Variants in WDR62 observed in about 807,000 individuals in gnomAD.
The protein encoded by WDR62 is WD repeat domain 62.
A neutral mutation model predicts 160.6 loss-of-function variants in WDR62; 112 were observed. The ratio of observed to expected loss-of-function variants is 0.70; its 90% CI spans 0.60 to 0.82. WDR62 has a LOEUF of 0.82. Ranked by LOEUF, WDR62 falls within the 40% of genes least tolerant of loss-of-function variation. The pLI is 0.00. For missense variants in WDR62, 1,819 were observed against 1,983.8 expected, an observed-to-expected ratio of 0.92 and a Z score of 1.58; for synonymous variants, 792 against 815.1, an observed-to-expected ratio of 0.97 and a Z score of 0.48.
intron 3 of WDR62, 141 bp downstream of exon 3, chr19:36,060,171 G>C (rs558897552): frequency 2.8e-4 from 249 of 876,806 alleles, no homozygotes; most frequent in Admixed American, 1.5e-3. Flanking sequence ...CGCCTGTGCT[G>C]GGTGCTGTTC....
At chr19:36,088,095 C>G (rs1972362839) in intron 13 of WDR62, among the ~76,000 whole-genome samples, 1 of 152,182 alleles carries the variant, frequency 6.6e-6, no homozygotes, top group Non-Finnish European at 1.5e-5. Flanking sequence ...ATGACTCCTC[C>G]TTGAGCAACA....
chr19:36,107,158 A>G (rs1031398902), downstream of WDR62, among the ~76,000 whole-genome samples: 1 of 152,128 alleles, frequency 6.6e-6, no homozygotes, highest in Admixed American at 6.5e-5. Flanking sequence ...CCTTGATGTC[A>G]TCATGCACCT....
intron 7 of WDR62, among the ~76,000 whole-genome samples, chr19:36,070,086 C>T (rs1184651116): frequency 1.3e-5 from 2 of 151,586 alleles, no homozygotes; most frequent in South Asian, 2.1e-4. Context: ...TTGGAGGTAC[C>T]ATTGATTTAA....
intron 3 of WDR62, among the ~76,000 whole-genome samples, chr19:36,062,952 A>T (rs555476697): frequency 4.8e-5 from 7 of 146,356 alleles, no homozygotes; most frequent in African/African-American, 5.0e-5. Flanking sequence ...GGATCTTGAC[A>T]TTTTTTTTTT....
At chr19:36,060,415 C>T (rs1362923743) in intron 3 of WDR62, 2 of 260,774 alleles carry the variant, frequency 7.7e-6, no homozygotes, top group African/African-American at 4.3e-5. Context: ...AGAGGGTGAC[C>T]CATAAGAAGC....
chr19:36,057,080 G>T (rs1223690959), intron 1 of WDR62, among the ~76,000 whole-genome samples: 2 of 152,122 alleles, frequency 1.3e-5, no homozygotes, highest in African/African-American at 2.4e-5. Context: ...CTCCCAAAGT[G>T]CTAGGATTAC....
downstream of WDR62, among the ~76,000 whole-genome samples, chr19:36,109,065 A>C (rs4806276): frequency 0.75 from 113,654 of 151,944 alleles, 42,843 homozygotes; most frequent in African/African-American, 0.82. Flanking sequence ...GAGCAAGCGG[A>C]AATGCATGGC....
At chr19:36,060,186 T>C (rs1711667987) in intron 3 of WDR62, 156 bp downstream of exon 3, 1 of 767,024 alleles carries the variant, frequency 1.3e-6, no homozygotes. Flanking sequence ...CTGTTCCGTG[T>C]GCTGGGGACA....
At chr19:36,064,802 T>C (rs1450631779) in intron 3 of WDR62, among the ~76,000 whole-genome samples, 2 of 150,630 alleles carry the variant, frequency 1.3e-5, no homozygotes. Context: ...GTTCGCGAAT[T>C]CCTGACCTCA....
intron 13 of WDR62, among the ~76,000 whole-genome samples, chr19:36,087,990 A>C (rs1191368357): frequency 1.3e-5 from 2 of 152,210 alleles, no homozygotes; most frequent in Non-Finnish European, 2.9e-5. Flanking sequence ...GCAGGTTAAG[A>C]AGCAGAACAT....
Position 36,104,886 on chromosome 19 carries a change from CCCCAGCCCAGGCTCTG to C in WDR62, c.4442_4457del (p.Ala1481AspfsTer51), listed in dbSNP as rs758021474. 2 of 1,612,040 alleles carry C rather than the reference CCCCAGCCCAGGCTCTG, an allele frequency of 1.2e-6. No individual in the cohort carries two copies. The highest frequency in any genetic ancestry group is 1.1e-5 in the South Asian group (1 of 90,976). On this transcript the variant is annotated frameshift_variant, in exon 32 of 32. Transcript: ENST00000401500. LOFTEE classifies it low-confidence loss of function (END_TRUNC). ...GAATGCCTGGTGGGGACTAGTGTGG[CCCCAGCCCAGGCTCTG>C]CCCAGCCCAGGACCCCCGTCCCCAC...
chr19:36,071,711 G>A lies in WDR62; in HGVS notation c.1038G>A (p.Glu346=). ...GGGTAGACGTGGCACAGGGCCTGGA[G>A]CCCAGGTACTGCCCTGTGGGGAGAG... ...YLGVDVAQGL[E]PSFLFHRKAE... Residue 346 remains glutamate (E), a synonymous_variant, in exon 8 of 32, where the codon GAG becomes GAA. Transcript: ENST00000401500. The A allele has an allele frequency of 6.2e-7, 1 of 1,613,474 alleles. No homozygotes were observed.
Position 36,060,044 on chromosome 19 carries a change from TGGGCCCG to T in WDR62, c.332+19_332+25del. 2 of 1,614,144 alleles carry T rather than the reference TGGGCCCG, an allele frequency of 1.2e-6. No homozygotes were observed. The highest frequency in any genetic ancestry group is 8.5e-7 in the Non-Finnish European group (1 of 1,179,978). On this transcript the variant is annotated intron_variant, in intron 3 of 31. Coordinates refer to ENST00000401500, the MANE Select transcript of WDR62 (RefSeq NM_001083961.2). ...TAACACCGCCAGGTAGGCTGAGGCC[TGGGCCCG>T]GGGCAGGGGTGGAACCAGGGGCTTG...
In WDR62 at chr19:36,055,434, A is replaced by G. The variant is rs903522958; in HGVS notation, c.177+286A>G. Among the ~76,000 whole-genome samples the G allele has an allele frequency of 4.0e-5, 6 of 151,588 alleles. No homozygotes were observed. The East Asian group carries it at 5.8e-4, about 15-fold the overall frequency. ...CTGTAAATCACAGCCTAGTCCTGCTATATTTTAACCCCCGTTCTATCGCCT... is the reference window on the plus strand; with the variant it reads ...CTGTAAATCACAGCCTAGTCCTGCTGTATTTTAACCCCCGTTCTATCGCCT... On this transcript the variant is annotated intron_variant, in intron 1 of 31. Coordinates refer to ENST00000401500, the MANE Select transcript of WDR62 (RefSeq NM_001083961.2).
In WDR62 at chr19:36,071,626, G is replaced by C. The variant is rs753052712; in HGVS notation, c.953G>C (p.Arg318Pro). 6.2e-7 allele frequency: 1 copy of C among 1,614,192 alleles called. No homozygotes were observed. The highest frequency in any genetic ancestry group is 2.2e-5 in the East Asian group (1 of 44,884). The change falls in exon 8 of 32, where the codon CGC becomes CCC. Residue 318 changes from arginine (R) to proline (P), a missense_variant. Coordinates refer to ENST00000401500, the MANE Select transcript of WDR62 (RefSeq NM_001083961.2). The part of the protein sequence containing the change: ...IFCGCTDGIV[R>P]IFQAHSLHYL... ...TGTGGCTGCACAGATGGGATAGTCC[G>C]CATCTTCCAGGCCCATAGCCTGCAC...
In WDR62 at chr19:36,071,698, C is replaced by T; in HGVS notation, c.1025C>T (p.Ala342Val). ...PKPHYLGVDV[A>V]QGLEPSFLFH... ...CCACACTACCTTGGGGTAGACGTGG[C>T]ACAGGGCCTGGAGCCCAGGTACTGC... The change falls in exon 8 of 32, where the codon GCA (alanine) becomes GTA (valine). Residue 342 changes from alanine to valine, a missense_variant. Physicochemically the swap from Ala to Val is moderately conservative, Grantham distance 64 (BLOSUM62 0). This residue lies in a region of WDR62 where 934 missense variants were observed against 1,157.2 expected (regional missense o/e 0.81). Coordinates refer to ENST00000401500, the MANE Select transcript of WDR62 (RefSeq NM_001083961.2). The T allele has an allele frequency of 3.1e-6, 5 of 1,613,948 alleles. No homozygotes were observed. The highest frequency in any genetic ancestry group is 4.2e-6 in the Non-Finnish European group (5 of 1,179,920).
chr19:36,102,593 G>C, intron 26 of WDR62, 144 bp from the exon 27 acceptor site: 1 of 688,652 alleles, frequency 1.5e-6, no homozygotes, highest in Non-Finnish European at 2.5e-6. Context: ...GCCTCACGAT[G>C]CCTCCTCACC....
chr19:36,085,893 T>C (rs781396789), intron 12 of WDR62, among the ~76,000 whole-genome samples: 1 of 151,582 alleles, frequency 6.6e-6, no homozygotes. Context: ...TATTGCACGA[T>C]GCTGGTCTCA....
Position 36,065,865 on chromosome 19 carries a change from A to G in WDR62, c.333-93A>G, listed in dbSNP as rs1970909188. 4.0e-6 allele frequency: 5 copies of G among 1,253,218 alleles called. No individual in the cohort carries two copies. In the South Asian group the frequency reaches 6.0e-5, roughly 15 times the overall value. 77.6% of individuals were successfully genotyped at this position (1,253,218 alleles called of 1,614,324 possible). On this transcript the variant is annotated intron_variant, in intron 3 of 31. Coordinates refer to ENST00000401500, the MANE Select transcript of WDR62 (RefSeq NM_001083961.2). ...TGGCCTCTTCCGAGGCTTGGGAGGC[A>G]GAAGAGGGCAGAGTCCTATCAGAGT... is the stretch of plus-strand genomic sequence containing the variant.
Sources: gnomAD v4.1 joint callset for allele counts (sites outside exome capture counted in the v4.1 genomes callset) on GRCh38, gnomAD v4.1.1 for gene constraint, gnomAD v4.1.1 regional missense constraint, MANE v1.5 for transcripts, NCBI Gene and HGNC (gene_info 2026-07-23, HGNC 2026-07-21) for gene names.